ROBO1: variants seen among roughly 807,000 people sequenced by gnomAD.
The protein encoded by ROBO1 is roundabout homolog 1.
Under a neutral mutation model 195.9 loss-of-function variants are expected in ROBO1, and 149 were observed. That is an observed-to-expected ratio of 0.76 (90% CI 0.67 to 0.87). The LOEUF is 0.87. Ranked by LOEUF, ROBO1 falls within the 40% of genes least tolerant of loss-of-function variation. The probability of loss-of-function intolerance (pLI) is 0.00; values close to 1 mark genes in which losing one functional copy is unlikely to be tolerated. For synonymous variants in ROBO1, 816 were observed against 733.2 expected (o/e 1.11, Z -1.82); for missense variants, 1,933 against 2,068.3 (o/e 0.93, Z 1.27).
intron 2 of ROBO1, among the ~76,000 whole-genome samples, chr3:79,217,646 T>A (rs2108817402): frequency 6.6e-6 from 1 of 152,120 alleles, no homozygotes; most frequent in Middle Eastern, 3.4e-3. Context: ...GAGCCATGGA[T>A]CACTATTGTA....
rs570837693 is a variant in ROBO1, at chr3:78,663,243, A to G, written c.1967-1129T>C. Among the ~76,000 whole-genome samples the G allele has an allele frequency of 2.6e-5, 4 of 152,046 alleles. No individual in the cohort carries two copies. In the East Asian group the frequency reaches 7.8e-4, roughly 30 times the overall value. ...GGAAGCTAGGCAAGTGGAAGAGATG[A>G]CATCGAGATTGATATCAAACACTCT... On this transcript the variant is annotated intron_variant, in intron 14 of 30. Coordinates refer to ENST00000464233, the MANE Select transcript of ROBO1 (RefSeq NM_002941.4).
chr3:79,197,584 T>C (rs2081663281), intron 2 of ROBO1, among the ~76,000 whole-genome samples: 1 of 152,094 alleles, frequency 6.6e-6, no homozygotes, highest in Non-Finnish European at 1.5e-5. Context: ...AAATGGAATT[T>C]CTAGTTCTAG....
chr3:79,297,468 G>T (rs1433969085), intron 2 of ROBO1, among the ~76,000 whole-genome samples: 1 of 152,132 alleles, frequency 6.6e-6, no homozygotes, highest in African/African-American at 2.4e-5. Context: ...CATATGCTCA[G>T]TAAGTATCAT....
intron 2 of ROBO1, among the ~76,000 whole-genome samples, chr3:79,431,572 AC>A (rs1198594142): frequency 6.6e-6 from 1 of 152,184 alleles, no homozygotes; most frequent in East Asian, 1.9e-4. Context: ...GATTCAGAAG[AC>A]AAAAACATGG....
intron 4 of ROBO1, among the ~76,000 whole-genome samples, chr3:78,831,584 G>T (rs960444321): frequency 2.6e-5 from 4 of 152,190 alleles, no homozygotes; most frequent in African/African-American, 9.7e-5. Flanking sequence ...ATCAGAAAAT[G>T]ACATGAGATA....
Position 78,775,633 on chromosome 3 carries a change from C to T in ROBO1, c.500-28733G>A, listed in dbSNP as rs185399803. Among the ~76,000 whole-genome samples, 187 of 152,214 alleles carry T rather than the reference C, an allele frequency of 1.2e-3. 2 individuals are homozygous for T. Among genetic ancestry groups the T allele is most frequent in the Non-Finnish European group, 7.1e-4 (48 of 68,000 alleles). ...AAAGATCTTTCTTCAATTTGTTGAG[C>T]GAAAAAATACATGCTTTAAAGCATT... On this transcript the variant is annotated intron_variant, in intron 4 of 30. Transcript: ENST00000464233.
At chr3:79,041,990 G>C (rs1166125756) in intron 3 of ROBO1, among the ~76,000 whole-genome samples, 1 of 152,000 alleles carries the variant, frequency 6.6e-6, no homozygotes. Flanking sequence ...TCTTTCCCTT[G>C]GCTCTGTTTG....
At chr3:78,599,910 A>G in intron 30 of ROBO1, 2 of 608,176 alleles carry the variant, frequency 3.3e-6, no homozygotes, top group Non-Finnish European at 5.9e-6. Flanking sequence ...AAACAAATAA[A>G]CTGCCATTAA....
chr3:79,348,266 C>T (rs560479120), intron 2 of ROBO1, among the ~76,000 whole-genome samples: 1 of 148,706 alleles, frequency 6.7e-6, no homozygotes, highest in African/African-American at 2.5e-5. Flanking sequence ...CACACATGTA[C>T]TCAGGTGGAA....
intron 29 of ROBO1, among the ~76,000 whole-genome samples, chr3:78,604,396 A>C (rs1703351989): frequency 6.6e-6 from 1 of 152,196 alleles, no homozygotes; most frequent in South Asian, 2.1e-4. Flanking sequence ...TCTTATAAGC[A>C]GGAATTGCTC....
intron 1 of ROBO1, among the ~76,000 whole-genome samples, chr3:79,689,059 A>G (rs1189035192): frequency 6.6e-6 from 1 of 151,932 alleles, no homozygotes; most frequent in Non-Finnish European, 1.5e-5. Context: ...TATATCTTTA[A>G]CTTACTGAAC....
Position 79,109,365 on chromosome 3 carries a change from T to C in ROBO1, c.172+16091A>G, listed in dbSNP as rs528241884. Among the ~76,000 whole-genome samples, 3 of 152,136 alleles carry C rather than the reference T, an allele frequency of 2.0e-5. No homozygotes were observed. The South Asian group carries it at 6.2e-4, about 31-fold the overall frequency. ...CTCAAAACTCTTTTATCTCAAGTTG[T>C]GAAATATTTCACACATGCAAAAATG... On this transcript the variant is annotated intron_variant, in intron 3 of 30. Coordinates refer to ENST00000464233, the MANE Select transcript of ROBO1 (RefSeq NM_002941.4).
At chr3:78,829,517 A>G (rs112710695) in intron 4 of ROBO1, among the ~76,000 whole-genome samples, 5 of 152,200 alleles carry the variant, frequency 3.3e-5, no homozygotes, top group Middle Eastern at 3.4e-3. Context: ...TCTGCCCTCA[A>G]GACATCTGTG....
intron 2 of ROBO1, among the ~76,000 whole-genome samples, chr3:79,163,324 C>T (rs73110968): frequency 0.057 from 8,627 of 152,094 alleles, 377 homozygotes; most frequent in Admixed American, 0.13. Flanking sequence ...ATAATGTTTT[C>T]AAGGTTCATC....
At chr3:79,260,642 G>A (rs1421169170) in intron 2 of ROBO1, among the ~76,000 whole-genome samples, 1 of 152,164 alleles carries the variant, frequency 6.6e-6, no homozygotes, top group Non-Finnish European at 1.5e-5. Context: ...TTTAAAGAAA[G>A]TCTCACAACA....
intron 2 of ROBO1, among the ~76,000 whole-genome samples, chr3:79,247,132 T>TTTTTTTTG (rs2082639853): frequency 6.6e-6 from 1 of 150,960 alleles, no homozygotes; most frequent in African/African-American, 2.4e-5. Context: ...GTTTACTGTT[T>TTTTTTTTG]TTTTTTTTTT....
At chr3:79,165,627 C>T (rs189143781) in intron 2 of ROBO1, among the ~76,000 whole-genome samples, 1 of 152,296 alleles carries the variant, frequency 6.6e-6, no homozygotes, top group Admixed American at 6.5e-5. Context: ...GGAATTTCCC[C>T]TGGATTTATA....
At chr3:78,728,261 C>T (rs919804228) in intron 5 of ROBO1, among the ~76,000 whole-genome samples, 1 of 152,022 alleles carries the variant, frequency 6.6e-6, no homozygotes, top group Non-Finnish European at 1.5e-5. Context: ...ATTTCCCACT[C>T]GAGTCTCTTG....
rs541752977 is a variant in ROBO1 at position 79,500,538 on chromosome 3, G to A, written c.88+89286C>T. Among the ~76,000 whole-genome samples, 3 of 152,292 alleles carry A rather than the reference G, an allele frequency of 2.0e-5. No individual in the cohort carries two copies. The East Asian group carries it at 5.8e-4, about 29-fold the overall frequency. On this transcript the variant is annotated intron_variant, in intron 2 of 30. Coordinates refer to ENST00000464233, the MANE Select transcript of ROBO1 (RefSeq NM_002941.4). ...TCCTGTGACGCACCTGCCCTTGCAA[G>A]ACTGTCACCGTGCTTCTCCCTCTAT...
Sources: gnomAD v4.1 joint callset for allele counts (sites outside exome capture counted in the v4.1 genomes callset) on GRCh38, gnomAD v4.1.1 for gene constraint, MANE v1.5 for transcripts, NCBI Gene and HGNC (gene_info 2026-07-23, HGNC 2026-07-21) for gene names.